Variants in POLE observed in about 807,000 individuals in gnomAD.
POLE encodes DNA polymerase epsilon catalytic subunit A.
Under a neutral mutation model 279.2 loss-of-function variants are expected in POLE, and 188 were observed. The observed-to-expected ratio is 0.67, with a 90% confidence interval of 0.60 to 0.76. The LOEUF (loss-of-function observed/expected upper bound fraction) is 0.76. Ranked by LOEUF, POLE falls within the 30% of genes least tolerant of loss-of-function variation. The pLI, the probability that POLE is intolerant of heterozygous loss-of-function variation, is 0.00. For synonymous variants in POLE, 1,214 were observed against 1,172.5 expected (o/e 1.04, Z -0.72); for missense variants, 2,703 against 3,016.7 (o/e 0.90, Z 2.44).
Position 132,668,983 on chromosome 12 carries a change from G to A in POLE, c.1795-44C>T, listed in dbSNP as rs2042863821. The A allele has an allele frequency of 6.3e-7, 1 of 1,591,470 alleles. No individual in the cohort carries two copies. ...TCAGTAGAGGCTGGTGACCAAGCTT[G>A]CCTCGTGTGCAGTTCACCAACCCCT... On this transcript the variant is annotated intron_variant, in intron 16 of 48. Transcript: ENST00000320574. The surrounding 1 kb of genome is among the most constrained non-coding windows in gnomAD (Gnocchi z 4.0).
rs2043159542 is a variant in POLE at position 132,681,190 on chromosome 12, T to C, written c.152A>G (p.Glu51Gly). The change falls in exon 2 of 49, where the codon GAG becomes GGG. Residue 51 changes from glutamate (E) to glycine (G), a missense_variant. Physicochemically the swap from Glu to Gly is moderately conservative, Grantham distance 98. Around this residue, in one of 5 missense-constraint regions of POLE, gnomAD observed 1,011 missense variants for 1,111.7 expected, o/e 0.91. Coordinates refer to ENST00000320574, the MANE Select transcript of POLE (RefSeq NM_006231.4). ...TDKMDLRFGFERLKEPGEKTG... is the reference protein window; with the variant it reads ...TDKMDLRFGFGRLKEPGEKTG... The stretch of plus-strand genomic sequence containing the variant: ...CTTCTCACCAGGCTCCTTCAGCCGC[T>C]CAAAACCAAACCGCAAATCCATCTT... 2.5e-6 allele frequency: 4 copies of C among 1,614,082 alleles called. No homozygotes were observed. Among genetic ancestry groups the C allele is most frequent in the Non-Finnish European group, 3.4e-6 (4 of 1,180,030 alleles).
At position 132,639,604 on chromosome 12, in the gene POLE, C is replaced by T. The variant is rs1032985281; in HGVS notation, c.5379-306G>A. On this transcript the variant is annotated intron_variant, in intron 39 of 48. Coordinates refer to ENST00000320574, the MANE Select transcript of POLE (RefSeq NM_006231.4). This position sits in a 1 kb window ranked among gnomAD's most constrained non-coding sequence, Gnocchi z 4.7. Reference sequence around the variant, plus strand: ...ACAGTACAAAGCAGCAAGTGTGTGACGGGCCGGGGACCCTGACAGGAAGGA... The same window carrying T: ...ACAGTACAAAGCAGCAAGTGTGTGATGGGCCGGGGACCCTGACAGGAAGGA... Among the ~76,000 whole-genome samples, 14 of 152,172 alleles carry T rather than the reference C, an allele frequency of 9.2e-5. No homozygotes were observed. Among genetic ancestry groups the T allele is most frequent in the African/African-American group, 2.7e-4 (11 of 41,442 alleles).
In POLE at chr12:132,675,250, T is replaced by C; in HGVS notation, c.1226+148A>G. 1.1e-6 allele frequency: 1 copy of C among 919,452 alleles called. No individual in the cohort carries two copies. The allele number at this position is 919,452 out of a possible 1,614,324, so 57.0% of individuals were successfully genotyped here. ...AGCACATCCCGGGCCCTGGCAGGGT[T>C]GCAGCTGCCATACTCTTGGGTGACC... On this transcript the variant is annotated intron_variant, in intron 12 of 48. Coordinates refer to ENST00000320574, the MANE Select transcript of POLE (RefSeq NM_006231.4). This position sits in a 1 kb window ranked among gnomAD's most constrained non-coding sequence, Gnocchi z 4.3.
intron 21 of POLE, 99 bp downstream of exon 21, chr12:132,665,203 G>T: frequency 3.3e-6 from 4 of 1,223,758 alleles, no homozygotes; most frequent in Non-Finnish European, 4.6e-6. Context: ...TGAATCAGAT[G>T]AACGGCCCTC....
chr12:132,674,967 C>T (rs773013540), intron 12 of POLE, among the ~76,000 whole-genome samples: 1 of 152,068 alleles, frequency 6.6e-6, no homozygotes, highest in East Asian at 1.9e-4. Context: ...CATGTCAGAG[C>T]CCCCGAACGC....
chr12:132,680,276 A>G, intron 3 of POLE, 54 bp from the exon 4 acceptor site: 1 of 1,524,696 alleles, frequency 6.6e-7, no homozygotes, highest in Non-Finnish European at 9.1e-7. Context: ...AAAGCGAGAG[A>G]AAAGTGAAAA....
chr12:132,627,388 T>A (rs1350524605), intron 45 of POLE, among the ~76,000 whole-genome samples: 1 of 152,076 alleles, frequency 6.6e-6, no homozygotes, highest in Non-Finnish European at 1.5e-5. Context: ...AGCATTGACC[T>A]CTTGGGGCTC....
chr12:132,637,209 A>G (rs1396756152), intron 41 of POLE, among the ~76,000 whole-genome samples: 1 of 152,212 alleles, frequency 6.6e-6, no homozygotes, highest in Non-Finnish European at 1.5e-5. Context: ...TAGGAATGAA[A>G]GTCTTATAAG....
At chr12:132,625,305 C>T (rs762785988) in intron 47 of POLE, 22 of 723,770 alleles carry the variant, frequency 3.0e-5, no homozygotes, top group Admixed American at 7.0e-5. Context: ...CAGCTTGGCG[C>T]GTCCCCCAGC....
chr12:132,649,449 C>T lies in POLE; in HGVS notation c.3862G>A (p.Ala1288Thr), dbSNP rs200398117. 1.1e-4 allele frequency: 183 copies of T among 1,612,284 alleles called. No homozygotes were observed. Among genetic ancestry groups the T allele is most frequent in the Non-Finnish European group, 9.4e-5 (111 of 1,179,986 alleles). ...TCCAGACGCTGCCTCTTCCTGCGGGCGAGGCGCTGCCGGGCCTGCAGCTGC... is the reference window on the plus strand; with the variant it reads ...TCCAGACGCTGCCTCTTCCTGCGGGTGAGGCGCTGCCGGGCCTGCAGCTGC... ...KWQLQARQRL[A>T]RRKRQRLESA... The change falls in exon 31 of 49, where the codon GCC becomes ACC. Residue 1288 changes from alanine to threonine, a missense_variant. Around this residue, in one of 5 missense-constraint regions of POLE, gnomAD observed 1,551 missense variants for 1,686.1 expected, o/e 0.92. Coordinates refer to ENST00000320574, the MANE Select transcript of POLE (RefSeq NM_006231.4).
chr12:132,642,382 G>T lies in POLE; in HGVS notation c.4968C>A (p.Pro1656=). 1 of 1,578,578 alleles carries T rather than the reference G, an allele frequency of 6.3e-7. No homozygotes were observed. The highest frequency in any genetic ancestry group is 8.6e-7 in the Non-Finnish European group (1 of 1,159,008). ...AFEMSRYFHI[P]IGNLPEDIST... The stretch of plus-strand genomic sequence containing the variant: ...AGATGTCCTCTGGTAGGTTCCCAAT[G>T]GGAATGTGAAAGTACCTGCACCAGG... Residue 1656 remains proline, a synonymous_variant, in exon 38 of 49, where the codon CCC becomes CCA. Transcript: ENST00000320574.
intron 1 of POLE, among the ~76,000 whole-genome samples, chr12:132,682,066 C>A (rs556052914): frequency 3.9e-5 from 6 of 152,026 alleles, no homozygotes; most frequent in Non-Finnish European, 8.8e-5. Flanking sequence ...GAGGCCGAGG[C>A]GGGCGGATCA....
rs1191285077 is a variant in POLE, at chr12:132,630,032, G to A, written c.6330+2283C>T. On this transcript the variant is annotated intron_variant, in intron 45 of 48. Transcript: ENST00000320574. The stretch of plus-strand genomic sequence containing the variant: ...AAAGGGCGAGATGGCAGAATGGCCC[G>A]TGAGTGGAGCAATCAGGACACACAC... Among the ~76,000 whole-genome samples, 6 of 152,200 alleles carry A rather than the reference G, an allele frequency of 3.9e-5. No individual in the cohort carries two copies. The East Asian group carries it at 7.7e-4, about 20-fold the overall frequency.
rs2138599183 is a variant in POLE at position 132,649,030 on chromosome 12, G to C, written c.4048C>G (p.Leu1350Val). Residue 1350 changes from leucine (L) to valine (V), a missense_variant, in exon 32 of 49, where the codon CTC becomes GTC. Physicochemically the swap from Leu to Val is conservative, Grantham distance 32. Coordinates refer to ENST00000320574, the MANE Select transcript of POLE (RefSeq NM_006231.4). ...SQAGLFRLWA[L>V]VGSDLHCIRL... ...ATGCAGTGCAAGTCACTGCCAACGAGCGCCCACAGCCTGAACAGGCCGGCC... is the reference window on the plus strand; with the variant it reads ...ATGCAGTGCAAGTCACTGCCAACGACCGCCCACAGCCTGAACAGGCCGGCC... 6.2e-7 allele frequency: 1 copy of C among 1,613,710 alleles called. No homozygotes were observed. The highest frequency in any genetic ancestry group is 8.5e-7 in the Non-Finnish European group (1 of 1,179,996).
At chr12:132,654,144 G>A (rs1247102057) in intron 29 of POLE, among the ~76,000 whole-genome samples, 1 of 151,542 alleles carries the variant, frequency 6.6e-6, no homozygotes, top group East Asian at 1.9e-4. Flanking sequence ...GGATTGCCAA[G>A]GTTACCAAAT....
intron 32 of POLE, among the ~76,000 whole-genome samples, chr12:132,647,932 A>G (rs1009668511): frequency 6.6e-6 from 1 of 152,084 alleles, no homozygotes; most frequent in East Asian, 1.9e-4. Context: ...TGCACATTCT[A>G]CTGAATCACC....
At position 132,659,298 on chromosome 12, in the gene POLE, T is replaced by C. The variant is rs1409558568; in HGVS notation, c.3272A>G (p.Glu1091Gly). The change falls in exon 26 of 49, where the codon GAG becomes GGG. Residue 1091 changes from glutamate to glycine, a missense_variant. Coordinates refer to ENST00000320574, the MANE Select transcript of POLE (RefSeq NM_006231.4). ...CCGTGATGGGGGGAGCCCTCACCTC[T>C]CCGTGACAGGGGAGCCCTCGGGCTT... Reference protein sequence around the residue: ...SRKPEGSPVTERAIPLAIFQA... With the variant: ...SRKPEGSPVTGRAIPLAIFQA... 1 of 1,613,582 alleles carries C rather than the reference T, an allele frequency of 6.2e-7. No homozygotes were observed. Among genetic ancestry groups the C allele is most frequent in the Non-Finnish European group, 8.5e-7 (1 of 1,179,914 alleles).
rs561834381 is a variant in POLE at position 132,681,268 on chromosome 12, G to T, written c.74C>A (p.Ala25Asp). 6.2e-7 allele frequency: 1 copy of T among 1,614,052 alleles called. No individual in the cohort carries two copies. Among genetic ancestry groups the T allele is most frequent in the Non-Finnish European group, 8.5e-7 (1 of 1,180,030 alleles). ...ADGEASRDDG[A>D]TSSVSALKRL... ...CTTGAGTGCCGAAACTGAGGAAGTG[G>T]CGCCATCATCCCTGAGTGAAAGAAG... Residue 25 changes from alanine (A) to aspartate (D), a missense_variant, in exon 2 of 49, where the codon GCC becomes GAC. Coordinates refer to ENST00000320574, the MANE Select transcript of POLE (RefSeq NM_006231.4).
At chr12:132,631,723 C>T (rs139975465) in intron 45 of POLE, among the ~76,000 whole-genome samples, 3 of 152,314 alleles carry the variant, frequency 2.0e-5, no homozygotes, top group African/African-American at 7.2e-5. Flanking sequence ...CTCATCAGCT[C>T]TGGGTCCTGG....
Sources: allele counts gnomAD v4.1 joint callset (sites outside exome capture counted in the v4.1 genomes callset), GRCh38; gene constraint gnomAD v4.1.1; regional missense constraint gnomAD v4.1.1; non-coding constraint Gnocchi (gnomAD v3.1); transcripts MANE v1.5; gene names NCBI Gene and HGNC (gene_info 2026-07-23, HGNC 2026-07-21).